LUZP2: variants seen among roughly 807,000 people sequenced by gnomAD.
LUZP2 encodes leucine zipper protein 2.
A neutral mutation model predicts 51.6 loss-of-function variants in LUZP2; 52 were observed. The observed-to-expected ratio is 1.01, with a 90% CI of 0.81 to 1.27. The LOEUF (loss-of-function observed/expected upper bound fraction) is 1.27, where lower values mean the gene tolerates loss of function less well. LUZP2 is among the 50% of genes most tolerant of loss of function. LUZP2 has a pLI of 0.00. For synonymous variants in LUZP2, 154 were observed against 137.3 expected (o/e 1.12, Z -0.85); for missense variants, 436 against 395.4 (o/e 1.10, Z -0.87).
At chr11:24,870,426 C>T (rs1254209626) in intron 5 of LUZP2, among the ~76,000 whole-genome samples, 1 of 151,762 alleles carries the variant, frequency 6.6e-6, no homozygotes, top group Non-Finnish European at 1.5e-5. Flanking sequence ...TCATAGTTCT[C>T]CAGTTATTCT....
intron 1 of LUZP2, among the ~76,000 whole-genome samples, chr11:24,602,082 G>GTATATATGTGTATATA (rs1565020257): frequency 9.8e-5 from 12 of 122,428 alleles, no homozygotes; most frequent in Non-Finnish European, 1.6e-4. Context: ...GCGTATATAT[G>GTATATATGTGTATATA]TGTATATATG....
At chr11:24,858,611 A>T (rs117105920) in intron 5 of LUZP2, among the ~76,000 whole-genome samples, 2,064 of 152,342 alleles carry the variant, frequency 0.014, 51 homozygotes, top group East Asian at 0.13. Context: ...AAAGAAACTT[A>T]ATAATCCATA....
At chr11:24,899,549 C>A (rs776784855) in intron 5 of LUZP2, among the ~76,000 whole-genome samples, 1 of 151,820 alleles carries the variant, frequency 6.6e-6, no homozygotes, top group Non-Finnish European at 1.5e-5. Context: ...TTATACTTGA[C>A]AATTATTTAA....
intron 5 of LUZP2, among the ~76,000 whole-genome samples, chr11:24,792,110 A>G (rs1849425167): frequency 6.6e-6 from 1 of 151,746 alleles, no homozygotes. Context: ...TGACCTACCT[A>G]TCTTGCATTT....
chr11:24,569,711 C>T (rs1281318468), intron 1 of LUZP2, among the ~76,000 whole-genome samples: 1 of 151,824 alleles, frequency 6.6e-6, no homozygotes, highest in Non-Finnish European at 1.5e-5. Flanking sequence ...TAATTGCATA[C>T]ATATGCTGAA....
chr11:24,947,794 C>T (rs1854941894), intron 7 of LUZP2, among the ~76,000 whole-genome samples: 2 of 151,738 alleles, frequency 1.3e-5, no homozygotes, highest in Admixed American at 6.6e-5. Flanking sequence ...TACTTCTGCT[C>T]TCCATTGTTT....
chr11:25,014,911 T>C lies in LUZP2; in HGVS notation c.765+31618T>C, dbSNP rs188382734. Among the ~76,000 whole-genome samples, 777 of 152,324 alleles carry C rather than the reference T, an allele frequency of 5.1e-3. 4 individuals are homozygous for C. The highest frequency in any genetic ancestry group is 7.2e-3 in the Non-Finnish European group (489 of 68,040). ...CTAACATTTAAGTCTTTACTCCATC[T>C]TGAATTAATTTTTGTATAAGGTGTA... On this transcript the variant is annotated intron_variant, in intron 9 of 11. Transcript: ENST00000336930.
chr11:24,874,554 T>C (rs1852186683), intron 5 of LUZP2, among the ~76,000 whole-genome samples: 1 of 152,108 alleles, frequency 6.6e-6, no homozygotes, highest in Admixed American at 6.6e-5. Flanking sequence ...CCTCGGCCTG[T>C]ACTTGACTGC....
intron 1 of LUZP2, among the ~76,000 whole-genome samples, chr11:24,698,900 AT>A (rs1240651031): frequency 6.6e-6 from 1 of 152,052 alleles, no homozygotes; most frequent in African/African-American, 2.4e-5. Context: ...TACAAAAAAA[AT>A]ATAAAAATTA....
chr11:25,025,917 G>A (rs1857477178), intron 9 of LUZP2, among the ~76,000 whole-genome samples: 1 of 152,152 alleles, frequency 6.6e-6, no homozygotes, highest in Non-Finnish European at 1.5e-5. Flanking sequence ...TGATAGACTG[G>A]ATTAAGAAAA....
intron 4 of LUZP2, among the ~76,000 whole-genome samples, chr11:24,740,814 C>G (rs1037970442): frequency 3.9e-5 from 6 of 152,064 alleles, no homozygotes; most frequent in African/African-American, 1.4e-4. Context: ...TTTGATTTCT[C>G]TGAGGCTTTT....
chr11:24,830,918 C>G (rs959159382), intron 5 of LUZP2, among the ~76,000 whole-genome samples: 3 of 151,864 alleles, frequency 2.0e-5, no homozygotes, highest in Non-Finnish European at 4.4e-5. Context: ...GGCGTGAACC[C>G]GGGAGGTGGA....
chr11:24,521,597 A>G (rs1850647191), intron 1 of LUZP2, among the ~76,000 whole-genome samples: 1 of 152,128 alleles, frequency 6.6e-6, no homozygotes, highest in African/African-American at 2.4e-5. Context: ...TGCCCACCTT[A>G]CTTTTCACAG....
chr11:24,806,966 T>C (rs1849871728), intron 5 of LUZP2, among the ~76,000 whole-genome samples: 1 of 149,790 alleles, frequency 6.7e-6, no homozygotes, highest in South Asian at 2.1e-4. Context: ...ATTAACATTT[T>C]TATTAATCAC....
chr11:24,621,043 G>A (rs1163433280), intron 1 of LUZP2, among the ~76,000 whole-genome samples: 1 of 152,136 alleles, frequency 6.6e-6, no homozygotes, highest in Non-Finnish European at 1.5e-5. Context: ...AAGCTTCCGT[G>A]AGCCTGCTCC....
intron 9 of LUZP2, among the ~76,000 whole-genome samples, chr11:24,998,848 C>T (rs1413591692): frequency 6.6e-6 from 1 of 152,058 alleles, no homozygotes; most frequent in East Asian, 1.9e-4. Context: ...TCTCAGGGAT[C>T]ACAATACTGT....
intron 10 of LUZP2, among the ~76,000 whole-genome samples, chr11:25,073,486 G>C (rs375504563): frequency 6.6e-6 from 1 of 152,148 alleles, no homozygotes; most frequent in Non-Finnish European, 1.5e-5. Context: ...GACATTCCCT[G>C]GGTCTGGGCT....
intron 3 of LUZP2, among the ~76,000 whole-genome samples, chr11:24,733,751 ATTTT>A (rs1565105763): frequency 7.1e-6 from 1 of 140,868 alleles, no homozygotes; most frequent in East Asian, 2.2e-4. Flanking sequence ...TTAAAAAAAA[ATTTT>A]AAAAAAACCA....
At chr11:24,865,445 T>C (rs904628918) in intron 5 of LUZP2, among the ~76,000 whole-genome samples, 3 of 152,220 alleles carry the variant, frequency 2.0e-5, no homozygotes, top group Non-Finnish European at 4.4e-5. Flanking sequence ...AAATTATTTC[T>C]TAAGATTGAA....
Sources: gnomAD v4.1 joint callset for allele counts (sites outside exome capture counted in the v4.1 genomes callset) on GRCh38, gnomAD v4.1.1 for gene constraint, MANE v1.5 for transcripts, NCBI Gene and HGNC (gene_info 2026-07-23, HGNC 2026-07-21) for gene names.